The following INSRR variants were observed in gnomAD, a reference collection of about 807,000 sequenced individuals.
The protein encoded by INSRR is insulin receptor related receptor.
INSRR carries 114 observed loss-of-function variants against 130.0 expected under a neutral mutation model. The ratio of observed to expected loss-of-function variants is 0.88; its 90% confidence interval spans 0.75 to 1.02. INSRR has a LOEUF of 1.02. Among genes scored for constraint, INSRR ranks in the 50% least tolerant of loss-of-function variants. The pLI is 0.00. For synonymous variants in INSRR, 674 were observed against 705.2 expected, an observed-to-expected ratio of 0.96 and a Z score of 0.70; for missense variants, 1,657 against 1,735.2, an observed-to-expected ratio of 0.95 and a Z score of 0.80.
chr1:156,845,256 GC>G lies in INSRR; in HGVS notation c.2256del (p.Leu753TrpfsTer22). On this transcript the variant is annotated frameshift_variant, in exon 12 of 22. Coordinates refer to ENST00000368195, the MANE Select transcript of INSRR (RefSeq NM_014215.3). LOFTEE classifies it high-confidence loss of function. ...TCGAAATCCGAGCTGTTGCCCCCCA[GC>G]CGGAGGGGCCCAGCTGCCCGGCGGT... Reference protein sequence around the residue: ...GRHRRAAGPLRLGGNSSDFEI... With the variant: ...GRHRRAAGPLXLGGNSSDFEI... 1 of 1,611,682 alleles carries G rather than the reference GC, an allele frequency of 6.2e-7. No homozygotes were observed. Among genetic ancestry groups the G allele is most frequent in the East Asian group, 2.2e-5 (1 of 44,826 alleles).
In INSRR at chr1:156,840,777, A is replaced by G. The variant is rs1654744242; in HGVS notation, c.*96T>C. The G allele has an allele frequency of 2.1e-6, 2 of 946,530 alleles. No individual in the cohort carries two copies. The highest frequency in any genetic ancestry group is 3.3e-6 in the Non-Finnish European group (2 of 604,804). 58.6% of individuals were successfully genotyped at this position (946,530 alleles called of 1,614,324 possible). On this transcript the variant is annotated 3_prime_UTR_variant, in exon 22 of 22. Transcript: ENST00000368195. ...CCACCCTCGGCCATCCCTTGCCCTG[A>G]GTTGGGGTGGGGGTGAACATTCAGG...
In INSRR at chr1:156,842,428, GC is replaced by G; in HGVS notation, c.3206del (p.Ser1069ThrfsTer24). ...CCTCAGGCCGCAAAGATCGAAGATG[GC>G]TCTTGAGGTCCCCACGGGTCATTAA... ...MELMTRGDLK[S>X]HLRSLRPEAE... On this transcript the variant is annotated frameshift_variant, in exon 18 of 22. Coordinates refer to ENST00000368195, the MANE Select transcript of INSRR (RefSeq NM_014215.3). LOFTEE classifies it high-confidence loss of function. 6.2e-7 allele frequency: 1 copy of G among 1,614,082 alleles called. No homozygotes were observed. The highest frequency in any genetic ancestry group is 8.5e-7 in the Non-Finnish European group (1 of 1,179,988).
chr1:156,846,929 A>T (rs1002926552), intron 7 of INSRR, among the ~76,000 whole-genome samples, 172 bp from the exon 8 acceptor site: 1 of 152,124 alleles, frequency 6.6e-6, no homozygotes, highest in African/African-American at 2.4e-5. Flanking sequence ...GAGGGGAGGG[A>T]CTGTGATATC....
rs750518188 is a variant in INSRR at position 156,849,249 on chromosome 1, C to A, written c.1441G>T (p.Ala481Ser). The A allele has an allele frequency of 3.7e-6, 6 of 1,613,446 alleles. No individual in the cohort carries two copies. Among genetic ancestry groups the A allele is most frequent in the Non-Finnish European group, 5.1e-6 (6 of 1,180,000 alleles). The part of the protein sequence containing the change: ...INPRTNGDRA[A>S]CQTRTLRFVS... The stretch of plus-strand genomic sequence containing the variant: ...GGCACTGGGGTTGGGGTCTCACAGG[C>A]GGCGCGGTCTCCGTTGGTGCGGGGG... The change falls in exon 6 of 22, where the codon GCC becomes TCC. Residue 481 changes from alanine (A) to serine (S), a missense_variant. By Grantham distance (99) the Ala-to-Ser change is moderately conservative. Transcript: ENST00000368195.
intron 8 of INSRR, 139 bp downstream of exon 8, chr1:156,846,380 C>G: frequency 1.3e-6 from 1 of 786,546 alleles, no homozygotes; most frequent in South Asian, 1.8e-5. Context: ...CCCCTTCTTT[C>G]TAGGACTCAA....
chr1:156,854,192 TC>T lies in INSRR; in HGVS notation c.196del (p.Glu66ArgfsTer36). 1 of 1,614,076 alleles carries T rather than the reference TC, an allele frequency of 6.2e-7. No homozygotes were observed. On this transcript the variant is annotated frameshift_variant, in exon 2 of 22. Coordinates refer to ENST00000368195, the MANE Select transcript of INSRR (RefSeq NM_014215.3). LOFTEE classifies it high-confidence loss of function. The surrounding 1 kb of genome is among the most constrained non-coding windows in gnomAD (Gnocchi z 4.2). ...QILLMFTATG[E>X]DFRGLSFPRL... Reference sequence around the variant, plus strand: ...AGGGAAGCTGAGGCCGCGGAAGTCCTCCCCGGTGGCTGTGAACATGAGCAGG... The same window carrying T: ...AGGGAAGCTGAGGCCGCGGAAGTCCTCCCGGTGGCTGTGAACATGAGCAGG...
At position 156,849,039 on chromosome 1, in the gene INSRR, G is replaced by C; in HGVS notation, c.1453C>G (p.Arg485Gly). Reference sequence around the variant, plus strand: ...ACGTTGGACACGAAGCGCAGGGTGCGAGTCTGGCCTGGGTGGGGCGAGGGG... The same window carrying C: ...ACGTTGGACACGAAGCGCAGGGTGCCAGTCTGGCCTGGGTGGGGCGAGGGG... Reference protein sequence around the residue: ...TNGDRAACQTRTLRFVSNVTE... With the variant: ...TNGDRAACQTGTLRFVSNVTE... The change falls in exon 7 of 22, where the codon CGC (arginine) becomes GGC (glycine). Residue 485 changes from arginine to glycine, a missense_variant. Arg to Gly is a moderately radical substitution (Grantham distance 125). Transcript: ENST00000368195. 1 of 1,613,208 alleles carries C rather than the reference G, an allele frequency of 6.2e-7. No individual in the cohort carries two copies. Among genetic ancestry groups the C allele is most frequent in the Non-Finnish European group, 8.5e-7 (1 of 1,179,842 alleles).
rs1263767026 is a variant in INSRR, at chr1:156,853,748, C to T, written c.637+4G>A. On this transcript the variant is annotated splice_donor_region_variant and intron_variant, in intron 2 of 21. Transcript: ENST00000368195. ...CTACATTCATGTTCTGTGCCAGTGCCCACCTCTCTGGCAGTGGCTGGAGGT... is the reference window on the plus strand; with the variant it reads ...CTACATTCATGTTCTGTGCCAGTGCTCACCTCTCTGGCAGTGGCTGGAGGT... 3.1e-6 allele frequency: 5 copies of T among 1,593,432 alleles called. No homozygotes were observed. Among genetic ancestry groups the T allele is most frequent in the Non-Finnish European group, 3.4e-6 (4 of 1,164,890 alleles).
chr1:156,846,409 T>A (rs769525712), intron 8 of INSRR, 110 bp downstream of exon 8: 2 of 911,502 alleles, frequency 2.2e-6, no homozygotes, highest in Non-Finnish European at 3.4e-6. Flanking sequence ...CCTTCCAGCC[T>A]CTGTGGGCCA....
intron 7 of INSRR, among the ~76,000 whole-genome samples, chr1:156,847,654 G>C (rs1655058686): frequency 6.6e-6 from 1 of 152,024 alleles, no homozygotes. Flanking sequence ...AAGCAGGATA[G>C]TCCAGGAGCA....
chr1:156,848,801 G>C, intron 7 of INSRR, 120 bp downstream of exon 7: 1 of 1,230,830 alleles, frequency 8.1e-7, no homozygotes, highest in South Asian at 1.5e-5. Context: ...TACAACTTGC[G>C]GGTCCTGGCT....
At chr1:156,858,188 C>G (rs1558094005) in intron 1 of INSRR, among the ~76,000 whole-genome samples, 1 of 152,226 alleles carries the variant, frequency 6.6e-6, no homozygotes, top group Non-Finnish European at 1.5e-5. Flanking sequence ...CTATCCCACC[C>G]CTGCCTCTTC....
rs1197082371 is a variant in INSRR, at chr1:156,851,697, C to T, written c.1033G>A (p.Val345Met). 1 of 1,614,100 alleles carries T rather than the reference C, an allele frequency of 6.2e-7. No homozygotes were observed. The highest frequency in any genetic ancestry group is 1.7e-5 in the Admixed American group (1 of 60,012). Reference sequence around the variant, plus strand: ...CTTCCCTCCACATGCGTGCAGCCCACAAGATCCTGTGCCGCCTGGATGGAG... The same window carrying T: ...CTTCCCTCCACATGCGTGCAGCCCATAAGATCCTGTGCCGCCTGGATGGAG... ...IDSIQAAQDL[V>M]GCTHVEGSLI... is the part of the protein sequence containing the mutation. Residue 345 changes from valine (V) to methionine (M), a missense_variant, in exon 4 of 22, where the codon GTG becomes ATG. Transcript: ENST00000368195.
rs745765076 is a variant in INSRR, at chr1:156,845,915, C to T, written c.1978+37G>A. ...TGCGCCTCCATCTCCCCTTCCCCAC[C>T]CGCCCCGCGGCCGGCCTGCGCGTCG... On this transcript the variant is annotated intron_variant, in intron 9 of 21. Coordinates refer to ENST00000368195, the MANE Select transcript of INSRR (RefSeq NM_014215.3). 5.6e-6 allele frequency: 9 copies of T among 1,602,506 alleles called. No individual in the cohort carries two copies. In the Admixed American group the frequency reaches 8.6e-5, roughly 15 times the overall value.
At position 156,843,164 on chromosome 1, in the gene INSRR, G is replaced by C. The variant is rs745547166; in HGVS notation, c.2966C>G (p.Ser989Cys). 2 of 1,613,904 alleles carry C rather than the reference G, an allele frequency of 1.2e-6. No individual in the cohort carries two copies. The highest frequency in any genetic ancestry group is 2.7e-5 in the African/African-American group (2 of 74,860). Reference sequence around the variant, plus strand: ...CAGCCCCTCATATACCATCCCAAAAGAGCCCTGGCCCAGTTCCCGGATTAT... The same window carrying C: ...CAGCCCCTCATATACCATCCCAAAACAGCCCTGGCCCAGTTCCCGGATTAT... ...ISIIRELGQG[S>C]FGMVYEGLAR... Residue 989 changes from serine (S) to cysteine (C), a missense_variant, in exon 17 of 22, where the codon TCT becomes TGT. Transcript: ENST00000368195.
intron 15 of INSRR, 149 bp downstream of exon 15, chr1:156,844,026 G>A (rs749446657): frequency 3.2e-6 from 2 of 627,602 alleles, no homozygotes; most frequent in Non-Finnish European, 5.6e-6. Flanking sequence ...TAACTGAGAG[G>A]TATGTTTCCT....
intron 2 of INSRR, 44 bp downstream of exon 2, chr1:156,853,708 T>G: frequency 6.4e-7 from 1 of 1,551,200 alleles, no homozygotes; most frequent in Non-Finnish European, 8.8e-7. Context: ...CATGTGACCC[T>G]GCTCTCTCCC....
At chr1:156,841,624 C>A in intron 20 of INSRR, 41 bp downstream of exon 20, 1 of 1,609,954 alleles carries the variant, frequency 6.2e-7, no homozygotes, top group Non-Finnish European at 8.5e-7. Context: ...CCAGATCCCG[C>A]CTCCACATCC....
chr1:156,841,723 G>T lies in INSRR; in HGVS notation c.3469C>A (p.Arg1157Ser). Residue 1157 changes from arginine to serine, a missense_variant, in exon 20 of 22, where the codon CGC (arginine) becomes AGC (serine). Coordinates refer to ENST00000368195, the MANE Select transcript of INSRR (RefSeq NM_014215.3). ...TTGAGGGACTCGGGGGCCATCCAGC[G>T]CACGGGCAGCAGCCCCTTCCCACCC... ...RKGGKGLLPVRWMAPESLKDG... is the reference protein window; with the variant it reads ...RKGGKGLLPVSWMAPESLKDG... 1.9e-6 allele frequency: 3 copies of T among 1,614,106 alleles called. No homozygotes were observed. Among genetic ancestry groups the T allele is most frequent in the East Asian group, 2.2e-5 (1 of 44,878 alleles).
Sources: allele counts gnomAD v4.1 joint callset (sites outside exome capture counted in the v4.1 genomes callset), GRCh38; gene constraint gnomAD v4.1.1; non-coding constraint Gnocchi (gnomAD v3.1); transcripts MANE v1.5; gene names NCBI Gene and HGNC (gene_info 2026-07-23, HGNC 2026-07-21).